The following ZNF385D variants were observed in gnomAD, a reference collection of about 807,000 sequenced individuals.
ZNF385D encodes zinc finger protein 385D.
A neutral mutation model predicts 35.8 loss-of-function variants in ZNF385D; 15 were observed. That is an observed-to-expected ratio of 0.42 (90% CI 0.28 to 0.64). The LOEUF is 0.64. Among genes scored for constraint, ZNF385D ranks in the 30% least tolerant of loss-of-function variants. ZNF385D has a pLI of 0.23. For synonymous variants in ZNF385D, 212 were observed against 186.8 expected, an observed-to-expected ratio of 1.13 and a Z score of -1.10; for missense variants, 474 against 494.6, an observed-to-expected ratio of 0.96 and a Z score of 0.39.
chr3:22,062,931 C>A (rs986721456), intron 3 of ZNF385D, among the ~76,000 whole-genome samples: 5 of 152,146 alleles, frequency 3.3e-5, no homozygotes, highest in Non-Finnish European at 5.9e-5. Context: ...TGACTGCAGC[C>A]TGGGTGATGT....
At chr3:21,762,420 G>C (rs192178251) in intron 3 of ZNF385D, among the ~76,000 whole-genome samples, 1 of 152,058 alleles carries the variant, frequency 6.6e-6, no homozygotes, top group Non-Finnish European at 1.5e-5. Context: ...TCATCCTCAA[G>C]TGATCCACTC....
At chr3:21,782,350 G>T (rs1372867346) in intron 3 of ZNF385D, among the ~76,000 whole-genome samples, 2 of 152,064 alleles carry the variant, frequency 1.3e-5, no homozygotes, top group African/African-American at 4.8e-5. Context: ...CTACCTGGAG[G>T]AAATTCAGGA....
chr3:21,944,697 A>G (rs1230305140), intron 3 of ZNF385D, among the ~76,000 whole-genome samples: 1 of 152,172 alleles, frequency 6.6e-6, no homozygotes, highest in African/African-American at 2.4e-5. Flanking sequence ...TTAACTCCCA[A>G]CTTTGACAAG....
At chr3:21,995,293 TG>T (rs1695391795) in intron 3 of ZNF385D, among the ~76,000 whole-genome samples, 1 of 152,158 alleles carries the variant, frequency 6.6e-6, no homozygotes, top group East Asian at 1.9e-4. Context: ...AAAGGCCATG[TG>T]GGTCAATTCC....
At chr3:21,492,464 C>A (rs1005646825) in intron 4 of ZNF385D, among the ~76,000 whole-genome samples, 93 of 148,920 alleles carry the variant, frequency 6.2e-4, no homozygotes, top group African/African-American at 2.1e-3. Flanking sequence ...CATTTGATTT[C>A]TTTTACTACT....
chr3:21,854,086 C>T (rs898207541), intron 3 of ZNF385D, among the ~76,000 whole-genome samples: 1 of 151,808 alleles, frequency 6.6e-6, no homozygotes, highest in African/African-American at 2.4e-5. Flanking sequence ...AATTAAACTG[C>T]AATAAAATAA....
chr3:22,029,889 A>G (rs563244798), intron 3 of ZNF385D, among the ~76,000 whole-genome samples: 19 of 152,148 alleles, frequency 1.2e-4, no homozygotes, highest in East Asian at 1.9e-4. Flanking sequence ...AATACTGAGT[A>G]TCAACTTGAT....
chr3:21,648,988 T>C (rs1244225766), intron 2 of ZNF385D, among the ~76,000 whole-genome samples: 1 of 152,100 alleles, frequency 6.6e-6, no homozygotes, highest in Admixed American at 6.6e-5. Flanking sequence ...ATTATATATC[T>C]AGTAAGTGGT....
At chr3:21,988,529 C>G (rs1168813829) in intron 3 of ZNF385D, among the ~76,000 whole-genome samples, 1 of 145,682 alleles carries the variant, frequency 6.9e-6, no homozygotes, top group East Asian at 2.1e-4. Context: ...TGCCCGTTCT[C>G]AGATCTCCAG....
intron 2 of ZNF385D, among the ~76,000 whole-genome samples, chr3:22,237,718 A>G (rs1169555840): frequency 6.6e-6 from 1 of 152,138 alleles, no homozygotes; most frequent in Non-Finnish European, 1.5e-5. Flanking sequence ...ATCTCAGCTC[A>G]CTAGAACCTC....
intron 3 of ZNF385D, among the ~76,000 whole-genome samples, chr3:21,973,081 A>G (rs1303684369): frequency 2.0e-5 from 3 of 152,052 alleles, no homozygotes; most frequent in East Asian, 3.9e-4. Context: ...TCAGGATTAC[A>G]CTGATAATAA....
At chr3:21,504,503 A>T (rs1235163687) in intron 4 of ZNF385D, among the ~76,000 whole-genome samples, 1 of 152,142 alleles carries the variant, frequency 6.6e-6, no homozygotes, top group African/African-American at 2.4e-5. Context: ...ACTATCTTTT[A>T]TATAAAAAGT....
intron 3 of ZNF385D, among the ~76,000 whole-genome samples, chr3:21,991,802 T>C (rs1163486466): frequency 6.6e-6 from 1 of 152,200 alleles, no homozygotes; most frequent in African/African-American, 2.4e-5. Flanking sequence ...GCAAGATTTA[T>C]TGAGGTTGTC....
chr3:22,160,050 G>A (rs997277903), intron 3 of ZNF385D, among the ~76,000 whole-genome samples: 1 of 151,972 alleles, frequency 6.6e-6, no homozygotes, highest in Non-Finnish European at 1.5e-5. Context: ...CTGTTCTTGT[G>A]ATGTTCATTC....
At chr3:21,940,719 A>T (rs1701477006) in intron 3 of ZNF385D, among the ~76,000 whole-genome samples, 1 of 152,230 alleles carries the variant, frequency 6.6e-6, no homozygotes, top group Admixed American at 6.5e-5. Context: ...CTACGAGGAT[A>T]AAAGTAGGCT....
At chr3:21,945,723 T>A (rs965996867) in intron 3 of ZNF385D, among the ~76,000 whole-genome samples, 1 of 152,182 alleles carries the variant, frequency 6.6e-6, no homozygotes, top group Non-Finnish European at 1.5e-5. Context: ...TACCCTTAAC[T>A]AGAATTGCCA....
chr3:22,125,099 A>G (rs1186448802), intron 3 of ZNF385D, among the ~76,000 whole-genome samples: 1 of 152,140 alleles, frequency 6.6e-6, no homozygotes, highest in Non-Finnish European at 1.5e-5. Flanking sequence ...CTGTATGGGA[A>G]AAAAGATAGC....
chr3:21,761,584 G>C (rs1224115950), intron 3 of ZNF385D, among the ~76,000 whole-genome samples: 1 of 152,120 alleles, frequency 6.6e-6, no homozygotes, highest in African/African-American at 2.4e-5. Flanking sequence ...CCAACATAGA[G>C]AGGTGAGAGA....
At chr3:21,671,398 G>A (rs892532812) in intron 1 of ZNF385D, among the ~76,000 whole-genome samples, 5 of 152,164 alleles carry the variant, frequency 3.3e-5, no homozygotes, top group African/African-American at 1.2e-4. Flanking sequence ...GAATTGGCCA[G>A]CCAGGGTGGG....
Sources: gnomAD v4.1 joint callset for allele counts (sites outside exome capture counted in the v4.1 genomes callset) on GRCh38, gnomAD v4.1.1 for gene constraint, MANE v1.5 for transcripts, NCBI Gene and HGNC (gene_info 2026-07-23, HGNC 2026-07-21) for gene names.